The following KCNC1 variants were observed in gnomAD, a reference collection of about 807,000 sequenced individuals.
KCNC1 encodes voltage-gated potassium channel KCNC1.
KCNC1 carries 8 observed loss-of-function variants against 43.4 expected under a neutral mutation model. That is an observed-to-expected ratio of 0.18 (90% CI 0.11 to 0.33). The LOEUF (loss-of-function observed/expected upper bound fraction) is 0.33, where lower values mean the gene tolerates loss of function less well. Ranked by LOEUF, KCNC1 falls within the 10% of genes least tolerant of loss-of-function variation. KCNC1 has a pLI of 1.00. For synonymous variants in KCNC1, 361 were observed against 360.5 expected (o/e 1.00, Z -0.01); for missense variants, 420 against 836.0 (o/e 0.50, Z 6.14).
At chr11:17,775,923 A>G in intron 2 of KCNC1, 2 of 985,494 alleles carry the variant, frequency 2.0e-6, no homozygotes, top group Non-Finnish European at 2.4e-6. Context: ...CCCTATCCCC[A>G]GCCCCTCTAC....
chr11:17,747,909 T>C (rs1848919144), intron 1 of KCNC1, among the ~76,000 whole-genome samples: 1 of 151,956 alleles, frequency 6.6e-6, no homozygotes, highest in Non-Finnish European at 1.5e-5. Context: ...CACAGAAAGC[T>C]CACAACTCCT....
intron 1 of KCNC1, among the ~76,000 whole-genome samples, chr11:17,764,915 G>T (rs1849131875): frequency 6.6e-6 from 1 of 152,218 alleles, no homozygotes; most frequent in African/African-American, 2.4e-5. Flanking sequence ...CATCCCGCCT[G>T]CTCTGCATCA....
Position 17,777,775 on chromosome 11 carries a change from G to A in KCNC1, c.1505-1681G>A. On this transcript the variant is annotated intron_variant, in intron 2 of 3. Coordinates refer to ENST00000265969, the MANE Select transcript of KCNC1 (RefSeq NM_001112741.2). The surrounding 1 kb of genome is among the most constrained non-coding windows in gnomAD (Gnocchi z 4.3). The stretch of plus-strand genomic sequence containing the variant: ...TTTTTTTAAGTTCCAAAATTATGAT[G>A]GGATTTTTTTGGATTTGCTTTACGA... The A allele has an allele frequency of 1.0e-6, 1 of 986,264 alleles. No homozygotes were observed. Among genetic ancestry groups the A allele is most frequent in the Non-Finnish European group, 1.2e-6 (1 of 829,992 alleles). 61.1% of individuals were successfully genotyped at this position (986,264 alleles called of 1,614,324 possible).
rs149457609 is a variant in KCNC1, at chr11:17,770,557, G to A, written c.571-1108G>A. Among the ~76,000 whole-genome samples the A allele has an allele frequency of 5.1e-4, 77 of 152,334 alleles. 1 individual carries two copies. In the East Asian group the frequency reaches 0.014, roughly 27 times the overall value. Reference sequence around the variant, plus strand: ...AGCAGGAGGGTTTGAAACTCAGAAAGCTGCTTGATTCTGTCTCCTCGGTAC... The same window carrying A: ...AGCAGGAGGGTTTGAAACTCAGAAAACTGCTTGATTCTGTCTCCTCGGTAC... On this transcript the variant is annotated intron_variant, in intron 1 of 3. Coordinates refer to ENST00000265969, the MANE Select transcript of KCNC1 (RefSeq NM_001112741.2).
intron 1 of KCNC1, among the ~76,000 whole-genome samples, chr11:17,751,223 G>A (rs535986934): frequency 6.6e-6 from 1 of 152,336 alleles, no homozygotes; most frequent in Admixed American, 6.5e-5. Flanking sequence ...CTGGCTCTGG[G>A]ATGCTGTGGT....
rs949071435 is a variant in KCNC1, at chr11:17,781,557, C to T, written c.1694-113C>T. 4 of 740,214 alleles carry T rather than the reference C, an allele frequency of 5.4e-6. No individual in the cohort carries two copies. Among genetic ancestry groups the T allele is most frequent in the South Asian group, 5.3e-5 (3 of 57,116 alleles). The allele number at this position is 740,214 out of a possible 1,614,324, so 45.9% of individuals were successfully genotyped here. ...AGCCAGCTGGAGAAGAATCTGCCTG[C>T]CTCTGCATGCGGCTGTTCTGTCTTT... is the stretch of plus-strand genomic sequence containing the variant. On this transcript the variant is annotated intron_variant, in intron 3 of 3. Transcript: ENST00000265969. This position sits in a 1 kb window ranked among gnomAD's most constrained non-coding sequence, Gnocchi z 5.1.
At chr11:17,747,706 G>A (rs534703865) in intron 1 of KCNC1, among the ~76,000 whole-genome samples, 2 of 152,192 alleles carry the variant, frequency 1.3e-5, no homozygotes, top group Admixed American at 1.3e-4. Flanking sequence ...AACCAGCCTC[G>A]CTGGGTCAGG....
chr11:17,757,638 T>C (rs1451282061), intron 1 of KCNC1, among the ~76,000 whole-genome samples: 5 of 152,232 alleles, frequency 3.3e-5, no homozygotes, highest in African/African-American at 1.2e-4. Context: ...TATTGTGGGC[T>C]TGGTTCCAGA....
Position 17,781,326 on chromosome 11 carries a change from T to A in KCNC1, c.1694-344T>A. On this transcript the variant is annotated intron_variant, in intron 3 of 3. Transcript: ENST00000265969. This position sits in a 1 kb window ranked among gnomAD's most constrained non-coding sequence, Gnocchi z 5.1. ...CAGAGTCTTTGGGAGGCGCTAAGGGTGAAGTGTCCCCACCTACATCCATTC... is the reference window on the plus strand; with the variant it reads ...CAGAGTCTTTGGGAGGCGCTAAGGGAGAAGTGTCCCCACCTACATCCATTC... 1 of 246,140 alleles carries A rather than the reference T, an allele frequency of 4.1e-6. No homozygotes were observed. The allele number at this position is 246,140 out of a possible 1,614,324, so 15.2% of individuals were successfully genotyped here.
In KCNC1 at chr11:17,736,707, C is replaced by A; in HGVS notation, c.570+135C>A. On this transcript the variant is annotated intron_variant, in intron 1 of 3. Coordinates refer to ENST00000265969, the MANE Select transcript of KCNC1 (RefSeq NM_001112741.2). The surrounding 1 kb of genome is among the most constrained non-coding windows in gnomAD (Gnocchi z 9.3). ...AAGGGGGTGTGTGCGCATGTGTGCA[C>A]GTACCAGGGTAAGAGAGGAAGGGTG... 7.2e-7 allele frequency: 1 copy of A among 1,389,100 alleles called. No homozygotes were observed. The highest frequency in any genetic ancestry group is 1.5e-5 in the South Asian group (1 of 65,022). 86.0% of individuals were successfully genotyped at this position (1,389,100 alleles called of 1,614,324 possible). A position where few individuals can be genotyped will look rare whatever the true frequency, so the allele number is the denominator to read the frequency against.
chr11:17,768,112 T>C (rs551209863), intron 1 of KCNC1, among the ~76,000 whole-genome samples: 45 of 152,248 alleles, frequency 3.0e-4, no homozygotes, highest in African/African-American at 9.4e-4. Context: ...GAGTCGGAGA[T>C]GGGCTTGCTG....
Position 17,775,780 on chromosome 11 carries a change from T to C in KCNC1, c.1504+3182T>C, listed in dbSNP as rs1441545401. On this transcript the variant is annotated intron_variant, in intron 2 of 3. Coordinates refer to ENST00000265969, the MANE Select transcript of KCNC1 (RefSeq NM_001112741.2). ...AGCAGTGGGTGGCCGGTGGAGGGGG[T>C]GGTGGTGGCCGGGCTCCCTTCCTGC... 9.1e-6 allele frequency: 9 copies of C among 984,170 alleles called. No homozygotes were observed. The African/African-American group carries it at 1.6e-4, about 17-fold the overall frequency. The allele number at this position is 984,170 out of a possible 1,614,324, so 61.0% of individuals were successfully genotyped here.
intron 2 of KCNC1, chr11:17,774,923 C>T (rs770173441): frequency 5.1e-6 from 5 of 985,382 alleles, no homozygotes; most frequent in South Asian, 4.7e-5. Flanking sequence ...CAAAAGCTGG[C>T]GTGTGAGACC....
intron 2 of KCNC1, chr11:17,774,351 C>T: frequency 2.0e-6 from 2 of 985,578 alleles, no homozygotes; most frequent in South Asian, 9.4e-5. Flanking sequence ...CACTGTGGCA[C>T]TACCTGGCCC....
intron 1 of KCNC1, among the ~76,000 whole-genome samples, chr11:17,749,635 C>G (rs758729326): frequency 6.6e-6 from 1 of 152,202 alleles, no homozygotes; most frequent in Admixed American, 6.5e-5. Flanking sequence ...CAGTGAGGAA[C>G]ACGGCCACCT....
intron 1 of KCNC1, among the ~76,000 whole-genome samples, chr11:17,752,908 G>T (rs1259838152): frequency 1.3e-5 from 2 of 152,198 alleles, no homozygotes; most frequent in African/African-American, 4.8e-5. Context: ...GCCCAGTTCT[G>T]CACTCTTATT....
At position 17,775,602 on chromosome 11, in the gene KCNC1, A is replaced by G. The variant is rs188741850; in HGVS notation, c.1504+3004A>G. 283 of 985,578 alleles carry G rather than the reference A, an allele frequency of 2.9e-4. 3 individuals are homozygous for G. In the East Asian group the frequency reaches 0.02, roughly 71 times the overall value. 61.1% of individuals were successfully genotyped at this position (985,578 alleles called of 1,614,324 possible). A position where few individuals can be genotyped will look rare whatever the true frequency, so the allele number is the denominator to read the frequency against. ...GAAAGGGGCTCCCTCCTGCATCTGC[A>G]GTCGGATGCCCAGACCGCCCACTCT... On this transcript the variant is annotated intron_variant, in intron 2 of 3. Transcript: ENST00000265969.
Position 17,776,807 on chromosome 11 carries a change from GT to G in KCNC1, c.1505-2647del, listed in dbSNP as rs1849293651. On this transcript the variant is annotated intron_variant, in intron 2 of 3. Transcript: ENST00000265969. The surrounding 1 kb of genome is among the most constrained non-coding windows in gnomAD (Gnocchi z 4.4). ...CCCAGATTTATACAGTTGGCCCCTC[GT>G]TGGTTTCTCTTTCTTCAAGCCACCC... The G allele has an allele frequency of 1.0e-6, 1 of 985,462 alleles. No homozygotes were observed. The highest frequency in any genetic ancestry group is 6.1e-5 in the Admixed American group (1 of 16,294). The allele number at this position is 985,462 out of a possible 1,614,324, so 61.0% of individuals were successfully genotyped here.
chr11:17,748,536 A>G (rs1848928468), intron 1 of KCNC1, among the ~76,000 whole-genome samples: 1 of 152,182 alleles, frequency 6.6e-6, no homozygotes, highest in African/African-American at 2.4e-5. Flanking sequence ...AGGGGCCCCC[A>G]TACCCACCAT....
Sources: gnomAD v4.1 joint callset for allele counts (sites outside exome capture counted in the v4.1 genomes callset) on GRCh38, gnomAD v4.1.1 for gene constraint, Gnocchi (gnomAD v3.1) non-coding constraint, MANE v1.5 for transcripts, NCBI Gene and HGNC (gene_info 2026-07-23, HGNC 2026-07-21) for gene names.